The following HECW1 variants were observed in gnomAD, a reference collection of about 807,000 sequenced individuals.
HECW1 encodes HECT, C2 and WW domain containing E3 ubiquitin protein ligase 1, also known as E3 ubiquitin-protein ligase HECW1.
HECW1 carries 61 observed loss-of-function variants against 182.3 expected under a neutral mutation model. The ratio of observed to expected loss-of-function variants is 0.33; its 90% confidence interval spans 0.27 to 0.41. HECW1 has a LOEUF of 0.41. Ranked by LOEUF, HECW1 falls within the 10% of genes least tolerant of loss-of-function variation. HECW1 has a pLI of 1.00. For missense variants in HECW1, 1,739 were observed against 2,108.9 expected (o/e 0.82, Z 3.44); for synonymous variants, 859 against 832.6 (o/e 1.03, Z -0.55).
chr7:43,435,903 G>A (rs981770107), intron 8 of HECW1, among the ~76,000 whole-genome samples: 13 of 152,146 alleles, frequency 8.5e-5, no homozygotes, highest in South Asian at 6.2e-4. Flanking sequence ...GGTGGCTCAC[G>A]CCTGTAATCC....
intron 9 of HECW1, among the ~76,000 whole-genome samples, chr7:43,441,755 A>G (rs2076896009): frequency 6.6e-6 from 1 of 152,242 alleles, no homozygotes; most frequent in East Asian, 1.9e-4. Context: ...GGACACTGAA[A>G]TTTGAATTTC....
chr7:43,341,193 G>A (rs1812941250), intron 5 of HECW1, among the ~76,000 whole-genome samples: 2 of 151,510 alleles, frequency 1.3e-5, no homozygotes, highest in African/African-American at 2.4e-5. Context: ...ATAGCATTAG[G>A]TGAAATATCT....
intron 6 of HECW1, 157 bp from the exon 7 acceptor site, chr7:43,396,657 G>A (rs1562930490): frequency 5.2e-6 from 3 of 575,026 alleles, no homozygotes; most frequent in Non-Finnish European, 6.3e-6. Flanking sequence ...ACATTAGGTT[G>A]CTAGAAAGTT....
At position 43,446,154 on chromosome 7, in the gene HECW1, T is replaced by TTGTTG. The variant is rs1554420488; in HGVS notation, c.2398+585_2398+586insGTTGT. Among the ~76,000 whole-genome samples the TTGTTG allele has an allele frequency of 2.2e-4, 33 of 151,832 alleles. 1 individual carries two copies. The highest frequency in any genetic ancestry group is 4.1e-4 in the Non-Finnish European group (28 of 67,946). On this transcript the variant is annotated intron_variant, in intron 11 of 29. Coordinates refer to ENST00000395891, the MANE Select transcript of HECW1 (RefSeq NM_015052.5). ...TTCTTGTTATTACTGTTGGTTTTGT[T>TTGTTG]TTGTTGTTGTTGTTGTTGTTGTTGG...
At chr7:43,279,938 G>A (rs1297123521) in intron 3 of HECW1, among the ~76,000 whole-genome samples, 1 of 152,146 alleles carries the variant, frequency 6.6e-6, no homozygotes, top group Non-Finnish European at 1.5e-5. Context: ...CTTCACTGGG[G>A]AACTCTTCTG....
chr7:43,425,893 T>C (rs2076349483), intron 8 of HECW1, among the ~76,000 whole-genome samples: 1 of 152,176 alleles, frequency 6.6e-6, no homozygotes, highest in African/African-American at 2.4e-5. Context: ...GTAGGGATAT[T>C]CAAGCCACCG....
chr7:43,299,606 T>C (rs2152761849), intron 3 of HECW1, among the ~76,000 whole-genome samples: 1 of 152,314 alleles, frequency 6.6e-6, no homozygotes, highest in African/African-American at 2.4e-5. Context: ...ATCAGAAAGA[T>C]TAGCTGTGTG....
At chr7:43,385,627 G>A (rs2074764915) in intron 6 of HECW1, among the ~76,000 whole-genome samples, 1 of 151,960 alleles carries the variant, frequency 6.6e-6, no homozygotes, top group Non-Finnish European at 1.5e-5. Context: ...GAAGAGCAAG[G>A]CCAATTACAC....
In HECW1 at chr7:43,139,757, G is replaced by A. The variant is rs113480971; in HGVS notation, c.-32+25366G>A. On this transcript the variant is annotated intron_variant, in intron 2 of 29. Transcript: ENST00000395891. Reference sequence around the variant, plus strand: ...ACTTTCTTAATCCAAGTTTGGTTTCGTTTCTCTTAATTGCTTTATTTCATT... The same window carrying A: ...ACTTTCTTAATCCAAGTTTGGTTTCATTTCTCTTAATTGCTTTATTTCATT... Among the ~76,000 whole-genome samples the A allele has an allele frequency of 4.9e-3, 738 of 151,846 alleles. 3 individuals are homozygous for A. The highest frequency in any genetic ancestry group is 0.017 in the African/African-American group (696 of 41,400).
intron 5 of HECW1, among the ~76,000 whole-genome samples, chr7:43,353,426 G>A (rs1033934665): frequency 1.6e-4 from 25 of 152,036 alleles, no homozygotes; most frequent in African/African-American, 5.3e-4. Context: ...GTACCATGAC[G>A]TCCATTTCCA....
chr7:43,463,755 G>A lies in HECW1; in HGVS notation c.2747G>A (p.Gly916Asp), dbSNP rs766837876. ...CEQAPAGGGGGGGSDSEAESS... is the reference protein window; with the variant it reads ...CEQAPAGGGGDGGSDSEAESS... ...CAAGCCCCAGCAGGAGGAGGCGGAG[G>A]TGGAGGGAGTGACTCAGAAGCCGAA... The change falls in exon 14 of 30, where the codon GGT becomes GAT. Residue 916 changes from glycine to aspartate, a missense_variant. Around this residue, in one of 5 missense-constraint regions of HECW1, gnomAD observed 971 missense variants for 1,029.1 expected, o/e 0.94. Transcript: ENST00000395891. The A allele has an allele frequency of 3.4e-5, 55 of 1,613,960 alleles. No individual in the cohort carries two copies. Among genetic ancestry groups the A allele is most frequent in the Non-Finnish European group, 4.3e-5 (51 of 1,180,026 alleles).
intron 16 of HECW1, among the ~76,000 whole-genome samples, chr7:43,476,010 C>T (rs1585024626): frequency 6.6e-6 from 1 of 152,076 alleles, no homozygotes; most frequent in Non-Finnish European, 1.5e-5. Flanking sequence ...AGATTTCAAC[C>T]ACCACTTCTT....
intron 2 of HECW1, among the ~76,000 whole-genome samples, chr7:43,188,828 A>G (rs1165276402): frequency 6.6e-6 from 1 of 152,304 alleles, no homozygotes; most frequent in South Asian, 2.1e-4. Flanking sequence ...CCAACAGTAC[A>G]GTGCCTTCTG....
chr7:43,542,594 T>C (rs909267756), intron 26 of HECW1, among the ~76,000 whole-genome samples: 40 of 152,100 alleles, frequency 2.6e-4, no homozygotes, highest in Non-Finnish European at 4.6e-4. Flanking sequence ...TGTCTGTTGA[T>C]GAACACCTGG....
chr7:43,416,313 T>TG (rs1446902363), intron 8 of HECW1, among the ~76,000 whole-genome samples: 1 of 151,184 alleles, frequency 6.6e-6, no homozygotes, highest in Non-Finnish European at 1.5e-5. Context: ...GTGCCCCTGC[T>TG]GGGGGGTGCC....
intron 24 of HECW1, 113 bp from the exon 25 acceptor site, chr7:43,541,050 T>G: frequency 2.5e-6 from 2 of 809,702 alleles, no homozygotes; most frequent in Non-Finnish European, 2.1e-6. Context: ...AATGAGAAGA[T>G]TCCTTAAGCA....
intron 29 of HECW1, among the ~76,000 whole-genome samples, chr7:43,558,628 C>G (rs1305566393): frequency 6.6e-6 from 1 of 152,122 alleles, no homozygotes; most frequent in Non-Finnish European, 1.5e-5. Context: ...AAACAGCTCC[C>G]ACAACAAAGA....
chr7:43,330,861 A>C lies in HECW1; in HGVS notation c.460+10119A>C, dbSNP rs530175359. On this transcript the variant is annotated intron_variant, in intron 5 of 29. Coordinates refer to ENST00000395891, the MANE Select transcript of HECW1 (RefSeq NM_015052.5). ...GTGACCCTCTGGTGAGTCTGCACTG[A>C]TAAAGAAGAGGCCAGGGGAATACAG... is the stretch of plus-strand genomic sequence containing the variant. Among the ~76,000 whole-genome samples the C allele has an allele frequency of 2.6e-5, 4 of 152,312 alleles. No homozygotes were observed. In the South Asian group the frequency reaches 8.3e-4, roughly 32 times the overall value.
intron 4 of HECW1, among the ~76,000 whole-genome samples, chr7:43,313,149 T>C (rs1430941078): frequency 6.6e-6 from 1 of 152,218 alleles, no homozygotes; most frequent in African/African-American, 2.4e-5. Flanking sequence ...GTTAGTGCGT[T>C]TATAATACAC....
Sources: gnomAD v4.1 joint callset for allele counts (sites outside exome capture counted in the v4.1 genomes callset) on GRCh38, gnomAD v4.1.1 for gene constraint, gnomAD v4.1.1 regional missense constraint, MANE v1.5 for transcripts, NCBI Gene and HGNC (gene_info 2026-07-23, HGNC 2026-07-21) for gene names.